OMA1: variants seen among roughly 807,000 people sequenced by gnomAD.
OMA1 encodes metalloendopeptidase OMA1, mitochondrial.
A neutral mutation model predicts 30.9 loss-of-function variants in OMA1; 38 were observed. The observed-to-expected ratio is 1.23, with a 90% CI of 0.95 to 1.61. The LOEUF (loss-of-function observed/expected upper bound fraction) is 1.61, where lower values mean the gene tolerates loss of function less well. Ranked by LOEUF, OMA1 falls within the 40% of genes most tolerant of loss-of-function variation. The pLI is 0.00. For missense variants in OMA1, 461 were observed against 349.2 expected (o/e 1.32, Z -2.55); for synonymous variants, 173 against 121.9 (o/e 1.42, Z -2.76).
At position 58,539,033 on chromosome 1, in the gene OMA1, TA is replaced by T. The variant is rs1316976860; in HGVS notation, c.261del (p.Ser87ArgfsTer23). 3 of 872,734 alleles carry T rather than the reference TA, an allele frequency of 3.4e-6. No individual in the cohort carries two copies. The African/African-American group carries it at 4.9e-5, about 14-fold the overall frequency. The allele number at this position is 872,734 out of a possible 1,614,324, so 54.1% of individuals were successfully genotyped here. A position where few individuals can be genotyped will look rare whatever the true frequency, so the allele number is the denominator to read the frequency against. On this transcript the variant is annotated frameshift_variant, in exon 2 of 9. Coordinates refer to ENST00000371226, the MANE Select transcript of OMA1 (RefSeq NM_145243.5). LOFTEE classifies it high-confidence loss of function. ...KRTGGLSSTKSKEIWRITSKC... is the reference protein window; with the variant it reads ...KRTGGLSSTKXKEIWRITSKC... ...TTGCTGGTAATCCTCCAAATTTCCT[TA>T]CTTTTGGTACTTGAGAGGCCTCCTG...
At chr1:58,530,401 T>C (rs964086212) in intron 6 of OMA1, among the ~76,000 whole-genome samples, 200 bp downstream of exon 6, 3 of 152,188 alleles carry the variant, frequency 2.0e-5, no homozygotes, top group African/African-American at 7.2e-5. Context: ...TACCCATCAT[T>C]TGAGAGATGT....
intron 8 of OMA1, among the ~76,000 whole-genome samples, chr1:58,494,874 A>G (rs1472478950): frequency 6.6e-6 from 1 of 152,182 alleles, no homozygotes; most frequent in Non-Finnish European, 1.5e-5. Context: ...TTCCTCAGGG[A>G]TCTAGAACTA....
At chr1:58,527,397 A>C in intron 6 of OMA1, 62 bp from the exon 7 acceptor site, 1 of 814,440 alleles carries the variant, frequency 1.2e-6, no homozygotes, top group South Asian at 1.4e-5. Context: ...AAGGAGTAAC[A>C]CAGAGAGATT....
intron 6 of OMA1, among the ~76,000 whole-genome samples, chr1:58,527,652 A>G (rs1418087841): frequency 2.0e-5 from 3 of 152,206 alleles, no homozygotes; most frequent in Non-Finnish European, 4.4e-5. Flanking sequence ...AAGAAAGCTT[A>G]TTGATGAAGG....
intron 7 of OMA1, among the ~76,000 whole-genome samples, chr1:58,526,357 T>C (rs1456670591): frequency 3.3e-5 from 5 of 152,116 alleles, no homozygotes; most frequent in Non-Finnish European, 7.4e-5. Context: ...AATAAAATGA[T>C]TAATAGTTTT....
intron 3 of OMA1, among the ~76,000 whole-genome samples, chr1:58,535,543 C>T (rs1646502719): frequency 6.7e-6 from 1 of 148,890 alleles, no homozygotes; most frequent in African/African-American, 2.5e-5. Context: ...TTGCAGTGAG[C>T]CAAGATGGCA....
At chr1:58,525,552 C>T (rs1181921732) in intron 7 of OMA1, among the ~76,000 whole-genome samples, 2 of 151,804 alleles carry the variant, frequency 1.3e-5, no homozygotes, top group African/African-American at 4.8e-5. Flanking sequence ...TTCAAAACAT[C>T]GAGAAAAATT....
chr1:58,537,440 A>C (rs6698355), intron 2 of OMA1, among the ~76,000 whole-genome samples: 1 of 152,096 alleles, frequency 6.6e-6, no homozygotes, highest in Non-Finnish European at 1.5e-5. Context: ...CCTCTTTACA[A>C]CGTGAAAAAG....
chr1:58,506,277 TA>T (rs1645989201), intron 7 of OMA1, 68 bp from the exon 8 acceptor site: 1 of 732,144 alleles, frequency 1.4e-6, no homozygotes, highest in Non-Finnish European at 2.3e-6. Flanking sequence ...ACTACTACTT[TA>T]TTTTTTTTTA....
chr1:58,539,795 C>T (rs1045668875), intron 1 of OMA1, among the ~76,000 whole-genome samples: 5 of 152,132 alleles, frequency 3.3e-5, no homozygotes, highest in African/African-American at 1.2e-4. Flanking sequence ...CTGGAGAGTG[C>T]TTCCAGGCCA....
At chr1:58,543,158 T>C (rs1317115011) in intron 1 of OMA1, among the ~76,000 whole-genome samples, 1 of 152,220 alleles carries the variant, frequency 6.6e-6, no homozygotes, top group Non-Finnish European at 1.5e-5. Context: ...GCTTTTACTT[T>C]ATCCCCAAAA....
At position 58,505,955 on chromosome 1, in the gene OMA1, T is replaced by C. The variant is rs1458766041; in HGVS notation, c.1365+105A>G. On this transcript the variant is annotated intron_variant, in intron 8 of 8. Transcript: ENST00000371226. ...TAATCCATAATTATAGTAATCAAAA[T>C]AGTTAATAGGCTAGAACTCTCTTTT... is the stretch of plus-strand genomic sequence containing the variant. 3.2e-5 allele frequency: 20 copies of C among 624,768 alleles called. No individual in the cohort carries two copies. In the East Asian group the frequency reaches 3.8e-4, roughly 12 times the overall value. 38.7% of individuals were successfully genotyped at this position (624,768 alleles called of 1,614,324 possible).
chr1:58,509,212 G>A (rs1022977785), intron 7 of OMA1, among the ~76,000 whole-genome samples: 1 of 152,044 alleles, frequency 6.6e-6, no homozygotes, highest in Non-Finnish European at 1.5e-5. Context: ...TTCAGAAACT[G>A]ACCCTAATGA....
chr1:58,501,009 A>G (rs1403226761), intron 8 of OMA1, among the ~76,000 whole-genome samples: 1 of 152,212 alleles, frequency 6.6e-6, no homozygotes, highest in Non-Finnish European at 1.5e-5. Context: ...AAACATCAAC[A>G]AATTGATACA....
At chr1:58,499,509 A>ATAGATAGATAGATAG (rs776144705) in intron 8 of OMA1, among the ~76,000 whole-genome samples, 4 of 42,854 alleles carry the variant, frequency 9.3e-5, no homozygotes, top group Admixed American at 2.5e-4. Flanking sequence ...TAGATAGATA[A>ATAGATAGATAGATAG]ATAGATAGAT....
rs1226912300 is a variant in OMA1, at chr1:58,546,709, A to C, written c.-23T>G. On this transcript the variant is annotated 5_prime_UTR_variant, in exon 1 of 9. Transcript: ENST00000371226. Reference sequence around the variant, plus strand: ...CGTCACCGTGAGGACTGACTCAAGCAGAAGCGAAAGCGGTGACACCGCAGA... The same window carrying C: ...CGTCACCGTGAGGACTGACTCAAGCCGAAGCGAAAGCGGTGACACCGCAGA... The C allele has an allele frequency of 6.6e-6, 1 of 152,160 alleles. No homozygotes were observed. The highest frequency in any genetic ancestry group is 1.5e-5 in the Non-Finnish European group (1 of 68,112). The allele number at this position is 152,160 out of a possible 1,614,324, so 9.4% of individuals were successfully genotyped here.
chr1:58,507,634 A>T (rs1393411068), intron 7 of OMA1, among the ~76,000 whole-genome samples: 1 of 152,016 alleles, frequency 6.6e-6, no homozygotes, highest in Non-Finnish European at 1.5e-5. Context: ...TAACAAACAT[A>T]AATATTATTC....
intron 1 of OMA1, among the ~76,000 whole-genome samples, chr1:58,541,913 A>T (rs1309719231): frequency 6.6e-6 from 1 of 152,190 alleles, no homozygotes; most frequent in Non-Finnish European, 1.5e-5. Context: ...GTGTTCCTTA[A>T]ATTTTTCTGC....
At chr1:58,514,472 T>C (rs1365850442) in intron 7 of OMA1, among the ~76,000 whole-genome samples, 2 of 152,186 alleles carry the variant, frequency 1.3e-5, no homozygotes, top group Non-Finnish European at 2.9e-5. Flanking sequence ...GCTGTCTGTA[T>C]TCACTAGACA....
Sources: gnomAD v4.1 joint callset for allele counts (sites outside exome capture counted in the v4.1 genomes callset) on GRCh38, gnomAD v4.1.1 for gene constraint, MANE v1.5 for transcripts, NCBI Gene and HGNC (gene_info 2026-07-23, HGNC 2026-07-21) for gene names.